Variants in AGAP1 observed in about 807,000 individuals in gnomAD.
The protein encoded by AGAP1 is ArfGAP with GTPase domain, ankyrin repeat and PH domain 1.
AGAP1 carries 29 observed loss-of-function variants against 105.3 expected under a neutral mutation model. The ratio of observed to expected loss-of-function variants is 0.28; its 90% CI spans 0.21 to 0.38. The LOEUF (loss-of-function observed/expected upper bound fraction) is 0.38, where lower values mean the gene tolerates loss of function less well. Ranked by LOEUF, AGAP1 falls within the 10% of genes least tolerant of loss-of-function variation. The pLI is 1.00. For missense variants in AGAP1, 998 were observed against 1,165.1 expected (o/e 0.86, Z 2.09); for synonymous variants, 509 against 485.9 (o/e 1.05, Z -0.63).
chr2:236,069,735 C>A (rs2058448746), intron 16 of AGAP1, among the ~76,000 whole-genome samples: 1 of 152,154 alleles, frequency 6.6e-6, no homozygotes, highest in South Asian at 2.1e-4. Context: ...TGTGATGATG[C>A]AGGTGAAAAT....
chr2:235,847,465 A>G (rs1961635723), intron 9 of AGAP1, among the ~76,000 whole-genome samples: 1 of 152,328 alleles, frequency 6.6e-6, no homozygotes, highest in African/African-American at 2.4e-5. Context: ...CCACTTCATA[A>G]ATTATTTAGG....
rs973499965 is a variant in AGAP1, at chr2:236,124,290, C to T, written c.*168C>T. The T allele has an allele frequency of 1.9e-4, 143 of 769,684 alleles. No individual in the cohort carries two copies. Among genetic ancestry groups the T allele is most frequent in the Non-Finnish European group, 2.4e-4 (122 of 506,584 alleles). The allele number at this position is 769,684 out of a possible 1,614,324, so 47.7% of individuals were successfully genotyped here. ...CCCAAACAAAATCACAAAACCTGGACATCCCTCAAGGGGCGAAGAGGCGGC... is the reference window on the plus strand; with the variant it reads ...CCCAAACAAAATCACAAAACCTGGATATCCCTCAAGGGGCGAAGAGGCGGC... On this transcript the variant is annotated 3_prime_UTR_variant, in exon 18 of 18. Transcript: ENST00000304032. This position sits in a 1 kb window ranked among gnomAD's most constrained non-coding sequence, Gnocchi z 5.1.
intron 16 of AGAP1, among the ~76,000 whole-genome samples, chr2:236,079,469 G>GATC (rs2058725699): frequency 4.6e-5 from 7 of 150,560 alleles, no homozygotes; most frequent in African/African-American, 1.7e-4. Flanking sequence ...AGGAATTTAA[G>GATC]GCTGCAGTGA....
rs1250524636 is a variant in AGAP1, at chr2:235,574,083, A to C, written c.163+79234A>C. Among the ~76,000 whole-genome samples the C allele has an allele frequency of 6.6e-6, 1 of 152,180 alleles. No homozygotes were observed. Among genetic ancestry groups the C allele is most frequent in the African/African-American group, 2.4e-5 (1 of 41,450 alleles). ...GCCTGGGTGCCTTGGGGCCTGTCCT[A>C]TCTGAGGTCCACAGCCTGCAGGGAC... On this transcript the variant is annotated intron_variant, in intron 1 of 17. Coordinates refer to ENST00000304032, the MANE Select transcript of AGAP1 (RefSeq NM_001037131.3). The surrounding 1 kb of genome is among the most constrained non-coding windows in gnomAD (Gnocchi z 5.0).
chr2:235,579,632 C>T (rs1044684391), intron 1 of AGAP1, among the ~76,000 whole-genome samples: 10 of 151,918 alleles, frequency 6.6e-5, no homozygotes, highest in Admixed American at 2.0e-4. Flanking sequence ...AGAAATTAGC[C>T]GGGCGTGGTG....
At chr2:235,685,832 C>T (rs1007688029) in intron 1 of AGAP1, among the ~76,000 whole-genome samples, 2 of 152,104 alleles carry the variant, frequency 1.3e-5, no homozygotes, top group Non-Finnish European at 2.9e-5. Context: ...GATCTAACAA[C>T]ATGTGCCCGA....
In AGAP1 at chr2:235,690,616, C is replaced by T. The variant is rs1022502550; in HGVS notation, c.164-18563C>T. Among the ~76,000 whole-genome samples, 2 of 152,120 alleles carry T rather than the reference C, an allele frequency of 1.3e-5. No individual in the cohort carries two copies. Among genetic ancestry groups the T allele is most frequent in the East Asian group, 1.9e-4 (1 of 5,168 alleles). On this transcript the variant is annotated intron_variant, in intron 1 of 17. Coordinates refer to ENST00000304032, the MANE Select transcript of AGAP1 (RefSeq NM_001037131.3). The surrounding 1 kb of genome is among the most constrained non-coding windows in gnomAD (Gnocchi z 4.1). ...GCTAAAGCTGAGAGCTACAGCAGAG[C>T]GTCTGCTTGAGGAGCTCTGACGGGC...
intron 13 of AGAP1, among the ~76,000 whole-genome samples, chr2:235,991,653 G>A (rs1037270055): frequency 3.3e-5 from 5 of 152,194 alleles, no homozygotes; most frequent in Non-Finnish European, 5.9e-5. Context: ...AAAGACATGA[G>A]CGTTTAATAC....
intron 16 of AGAP1, among the ~76,000 whole-genome samples, chr2:236,110,132 C>T (rs2059606066): frequency 6.6e-6 from 1 of 152,218 alleles, no homozygotes; most frequent in African/African-American, 2.4e-5. Flanking sequence ...ACCTTCTCCT[C>T]TAAGATGGGG....
Position 236,012,029 on chromosome 2 carries a change from A to G in AGAP1, c.1646-24532A>G, listed in dbSNP as rs7598567. Reference sequence around the variant, plus strand: ...CTTCTAAACAAGGGAACTTAGAGCAATCAATGCCCCCGGAGACCGATGCAC... The same window carrying G: ...CTTCTAAACAAGGGAACTTAGAGCAGTCAATGCCCCCGGAGACCGATGCAC... On this transcript the variant is annotated intron_variant, in intron 13 of 17. Coordinates refer to ENST00000304032, the MANE Select transcript of AGAP1 (RefSeq NM_001037131.3). The surrounding 1 kb of genome is among the most constrained non-coding windows in gnomAD (Gnocchi z 4.9). Among the ~76,000 whole-genome samples, 98,369 of 152,070 alleles carry G rather than the reference A, an allele frequency of 0.65. 33,030 individuals carry two copies. The highest frequency in any genetic ancestry group is 0.82 in the African/African-American group (34,215 of 41,490).
chr2:235,521,734 T>TTA (rs1299627452), intron 1 of AGAP1, among the ~76,000 whole-genome samples: 2 of 25,620 alleles, frequency 7.8e-5, no homozygotes, highest in South Asian at 1.3e-3. Flanking sequence ...TTTTTGTTTG[T>TTA]TATATATATG....
At chr2:235,650,439 C>A (rs1187722177) in intron 1 of AGAP1, among the ~76,000 whole-genome samples, 4 of 152,174 alleles carry the variant, frequency 2.6e-5, no homozygotes, top group Admixed American at 2.0e-4. Flanking sequence ...ACCTAGACAT[C>A]CATGTCTTCC....
chr2:235,687,474 A>G (rs1421412770), intron 1 of AGAP1, among the ~76,000 whole-genome samples: 1 of 152,232 alleles, frequency 6.6e-6, no homozygotes, highest in Non-Finnish European at 1.5e-5. Flanking sequence ...TGACAGTCCG[A>G]TATGTGTAAA....
intron 1 of AGAP1, among the ~76,000 whole-genome samples, chr2:235,495,588 G>A (rs1941280545): frequency 6.6e-6 from 1 of 152,246 alleles, no homozygotes. Context: ...GGGGCAGGAT[G>A]CTTGGGCAGA....
At position 235,883,253 on chromosome 2, in the gene AGAP1, C is replaced by G. The variant is rs917709323; in HGVS notation, c.1051-92C>G. On this transcript the variant is annotated intron_variant, in intron 9 of 17. Coordinates refer to ENST00000304032, the MANE Select transcript of AGAP1 (RefSeq NM_001037131.3). This position sits in a 1 kb window ranked among gnomAD's most constrained non-coding sequence, Gnocchi z 4.5. ...ATCACAGAGTGAAGTTCTGCACACA[C>G]ACAGAACTTGAATGTATATGTTGCC... 1.9e-6 allele frequency: 2 copies of G among 1,055,360 alleles called. No homozygotes were observed. The highest frequency in any genetic ancestry group is 2.9e-6 in the Non-Finnish European group (2 of 695,154). 65.4% of individuals were successfully genotyped at this position (1,055,360 alleles called of 1,614,324 possible). A position where few individuals can be genotyped will look rare whatever the true frequency, so the allele number is the denominator to read the frequency against.
intron 11 of AGAP1, among the ~76,000 whole-genome samples, chr2:235,909,650 A>T (rs1017676437): frequency 2.6e-5 from 4 of 152,226 alleles, no homozygotes; most frequent in African/African-American, 4.8e-5. Context: ...ACATGGGGAC[A>T]TCCCTTCAAG....
In AGAP1 at chr2:235,982,834, T is replaced by G. The variant is rs1220371620; in HGVS notation, c.1645+14211T>G. Among the ~76,000 whole-genome samples the G allele has an allele frequency of 6.6e-6, 1 of 152,220 alleles. No homozygotes were observed. The highest frequency in any genetic ancestry group is 1.5e-5 in the Non-Finnish European group (1 of 68,044). ...TTACTGTCATCAGTGACTTGTTACC[T>G]TCTGTTTCTGATTGCCAGCTCATCA... On this transcript the variant is annotated intron_variant, in intron 13 of 17. Coordinates refer to ENST00000304032, the MANE Select transcript of AGAP1 (RefSeq NM_001037131.3). This position sits in a 1 kb window ranked among gnomAD's most constrained non-coding sequence, Gnocchi z 4.9.
rs192525843 is a variant in AGAP1, at chr2:235,898,117, C to T, written c.1156-10621C>T. On this transcript the variant is annotated intron_variant, in intron 10 of 17. Transcript: ENST00000304032. ...CTGATGATTACATTAGGCTAAGCTG[C>T]GAAGTAAATGAACCATGTCTTATTT... Among the ~76,000 whole-genome samples the T allele has an allele frequency of 3.5e-4, 53 of 152,292 alleles. 1 individual carries two copies. The highest frequency in any genetic ancestry group is 1.2e-3 in the African/African-American group (49 of 41,562).
chr2:235,932,259 A>G lies in AGAP1; in HGVS notation c.1483+1336A>G, dbSNP rs537054943. Among the ~76,000 whole-genome samples the G allele has an allele frequency of 7.2e-5, 11 of 152,216 alleles. No homozygotes were observed. The South Asian group carries it at 1.5e-3, about 20-fold the overall frequency. ...GCCTAGGATGAGCCTCCGTACCTCC[A>G]TGAGCCTCCGTTTTCTTATCTGTTC... On this transcript the variant is annotated intron_variant, in intron 12 of 17. Coordinates refer to ENST00000304032, the MANE Select transcript of AGAP1 (RefSeq NM_001037131.3).
Sources: allele counts gnomAD v4.1 joint callset (sites outside exome capture counted in the v4.1 genomes callset), GRCh38; gene constraint gnomAD v4.1.1; non-coding constraint Gnocchi (gnomAD v3.1); transcripts MANE v1.5; gene names NCBI Gene and HGNC (gene_info 2026-07-23, HGNC 2026-07-21).